Variants in FLCN observed in about 807,000 individuals in gnomAD.
The protein encoded by FLCN is folliculin, also known as BHD skin lesion fibrofolliculoma protein.
A neutral mutation model predicts 62.5 loss-of-function variants in FLCN; 22 were observed. The observed-to-expected ratio is 0.35, with a 90% CI of 0.25 to 0.50. The LOEUF (loss-of-function observed/expected upper bound fraction) is 0.50, where lower values mean the gene tolerates loss of function less well. Ranked by LOEUF, FLCN falls within the 20% of genes least tolerant of loss-of-function variation. The pLI, the probability that FLCN is intolerant of heterozygous loss-of-function variation, is 0.97. For synonymous variants in FLCN, 319 were observed against 310.0 expected, an observed-to-expected ratio of 1.03 and a Z score of -0.30; for missense variants, 657 against 778.0, an observed-to-expected ratio of 0.84 and a Z score of 1.85.
At chr17:17,232,481 G>C (rs2047453865) in intron 2 of FLCN, among the ~76,000 whole-genome samples, 1 of 152,150 alleles carries the variant, frequency 6.6e-6, no homozygotes, top group Non-Finnish European at 1.5e-5. Context: ...CACAGCTGTG[G>C]GGAAGGCCGG....
chr17:17,216,824 CTG>C lies in FLCN; in HGVS notation c.1176+243_1176+244del, dbSNP rs1346653884. The C allele has an allele frequency of 6.6e-6, 4 of 610,110 alleles. No homozygotes were observed. The highest frequency in any genetic ancestry group is 3.7e-5 in the African/African-American group (2 of 54,400). 37.8% of individuals were successfully genotyped at this position (610,110 alleles called of 1,614,324 possible). ...TCCCACAAAGAAGCTTTTACCAAGA[CTG>C]TGTCATATGCATTTTTGTTCCCTCT... On this transcript the variant is annotated intron_variant, in intron 10 of 13. Transcript: ENST00000285071. This position sits in a 1 kb window ranked among gnomAD's most constrained non-coding sequence, Gnocchi z 4.0.
chr17:17,226,321 C>A lies in FLCN; in HGVS notation c.251G>T (p.Gly84Val), dbSNP rs1386417463. 4.3e-6 allele frequency: 7 copies of A among 1,614,074 alleles called. No individual in the cohort carries two copies. The highest frequency in any genetic ancestry group is 2.7e-5 in the African/African-American group (2 of 74,912). ...PGPKKSDMCE[G>V]CRSLAAGHPG... Reference sequence around the variant, plus strand: ...GTGCCCTGCAGCAAGTGACCGGCAGCCCTGTCCATGAAAAGGAAAAGTAAA... The same window carrying A: ...GTGCCCTGCAGCAAGTGACCGGCAGACCTGTCCATGAAAAGGAAAAGTAAA... Residue 84 changes from glycine to valine, a missense_variant and splice_region_variant, in exon 5 of 14, where the codon GGC becomes GTC. Physicochemically the swap from Gly to Val is moderately radical, Grantham distance 109. Transcript: ENST00000285071.
At chr17:17,218,991 C>A in intron 9 of FLCN, 28 bp downstream of exon 9, 1 of 1,611,200 alleles carries the variant, frequency 6.2e-7, no homozygotes, top group South Asian at 1.1e-5. Flanking sequence ...CTCCTGAGCT[C>A]CTGATGCGCT....
At chr17:17,217,243 C>T in intron 9 of FLCN, 61 bp from the exon 10 acceptor site, 19 of 1,121,516 alleles carry the variant, frequency 1.7e-5, no homozygotes, top group Non-Finnish European at 2.6e-5. Flanking sequence ...CTCTCCCTTC[C>T]CATGAAGTTA....
chr17:17,223,738 C>CGGGA (rs2047162526), intron 6 of FLCN, among the ~76,000 whole-genome samples, 184 bp downstream of exon 6: 1 of 152,226 alleles, frequency 6.6e-6, no homozygotes, highest in South Asian at 2.1e-4. Flanking sequence ...GCAAAGCAGG[C>CGGGA]GGGATGGCCT....
In FLCN at chr17:17,216,393, G is replaced by GT. The variant is rs879255675; in HGVS notation, c.1286dup (p.His429GlnfsTer27). 1.2e-6 allele frequency: 2 copies of GT among 1,613,498 alleles called. No homozygotes were observed. The highest frequency in any genetic ancestry group is 3.3e-5 in the Admixed American group (2 of 59,986). On this transcript the variant is annotated frameshift_variant, in exon 11 of 14. Coordinates refer to ENST00000285071, the MANE Select transcript of FLCN (RefSeq NM_144997.7). LOFTEE classifies it high-confidence loss of function. This position sits in a 1 kb window ranked among gnomAD's most constrained non-coding sequence, Gnocchi z 4.0. Reference sequence around the variant, plus strand: ...GGGGGCACGCACCTGAGGAGAGCACGTGGGGGGGGATCTGCACGTGCGGGC... The same window carrying GT: ...GGGGGCACGCACCTGAGGAGAGCACGTTGGGGGGGGATCTGCACGTGCGGGC...
At position 17,227,902 on chromosome 17, in the gene FLCN, G is replaced by A. The variant is rs137852930; in HGVS notation, c.236C>T (p.Ser79Leu). 6.2e-7 allele frequency: 1 copy of A among 1,614,096 alleles called. No individual in the cohort carries two copies. Among genetic ancestry groups the A allele is most frequent in the Non-Finnish European group, 8.5e-7 (1 of 1,180,020 alleles). Residue 79 changes from serine (S) to leucine (L), a missense_variant, in exon 4 of 14, where the codon TCG becomes TTG. Transcript: ENST00000285071. ...AAAGACACTTGCCTCGCACATGTCC[G>A]ACTTTTTGGGCCCCGGGCTGCTGGA... ...VESSSPGPKK[S>L]DMCEGCRSLA... is the part of the protein sequence containing the mutation.
At chr17:17,230,963 G>A (rs577484134) in intron 3 of FLCN, among the ~76,000 whole-genome samples, 81 of 152,234 alleles carry the variant, frequency 5.3e-4, no homozygotes, top group African/African-American at 1.4e-3. Flanking sequence ...TTGGGAGGCC[G>A]AGGTGGGCAG....
Position 17,228,083 on chromosome 17 carries a change from G to C in FLCN, c.55C>G (p.Leu19Val), listed in dbSNP as rs1282654875. Reference sequence around the variant, plus strand: ...GCGTGCAGCACCTCCGTGCAGAAGAGAGTGCGGGGGCCGTGGAGCTCGCAG... The same window carrying C: ...GCGTGCAGCACCTCCGTGCAGAAGACAGTGCGGGGGCCGTGGAGCTCGCAG... ...HFCELHGPRT[L>V]FCTEVLHAPL... Residue 19 changes from leucine (L) to valine (V), a missense_variant, in exon 4 of 14, where the codon CTC becomes GTC. By Grantham distance (32) the Leu-to-Val change is conservative (BLOSUM62 1). Coordinates refer to ENST00000285071, the MANE Select transcript of FLCN (RefSeq NM_144997.7). 5 of 1,613,608 alleles carry C rather than the reference G, an allele frequency of 3.1e-6. No individual in the cohort carries two copies. Among genetic ancestry groups the C allele is most frequent in the Admixed American group, 1.7e-5 (1 of 60,030 alleles).
intron 3 of FLCN, among the ~76,000 whole-genome samples, chr17:17,229,835 T>G (rs1022695886): frequency 1.3e-5 from 2 of 152,088 alleles, no homozygotes; most frequent in African/African-American, 4.8e-5. Context: ...GGACACCTGG[T>G]GGGGACATGG....
At chr17:17,233,647 G>A (rs565180253) in intron 1 of FLCN, among the ~76,000 whole-genome samples, 190 of 145,196 alleles carry the variant, frequency 1.3e-3, no homozygotes, top group African/African-American at 4.7e-3. Context: ...TCTAGTCCAA[G>A]TTACTTGGGG....
At chr17:17,226,680 T>C (rs1368013300) in intron 4 of FLCN, among the ~76,000 whole-genome samples, 3 of 152,152 alleles carry the variant, frequency 2.0e-5, no homozygotes, top group Non-Finnish European at 4.4e-5. Context: ...AAGTGAGAAG[T>C]AGCTGGCCCG....
Position 17,219,045 on chromosome 17 carries a change from A to C in FLCN, c.1036T>G (p.Phe346Val). 6.2e-7 allele frequency: 1 copy of C among 1,613,836 alleles called. No individual in the cohort carries two copies. Among genetic ancestry groups the C allele is most frequent in the African/African-American group, 1.3e-5 (1 of 75,048 alleles). Reference sequence around the variant, plus strand: ...TGCCTCATGTGCCGGAGGGACTTGAAGACTGGCAGCTTCCGGGGCTGCCAG... The same window carrying C: ...TGCCTCATGTGCCGGAGGGACTTGACGACTGGCAGCTTCCGGGGCTGCCAG... ...GSWQPRKLPV[F>V]KSLRHMRQVL... Residue 346 changes from phenylalanine (F) to valine (V), a missense_variant, in exon 9 of 14, where the codon TTC becomes GTC. Physicochemically the swap from Phe to Val is conservative, Grantham distance 50 (BLOSUM62 -1). Transcript: ENST00000285071.
rs1305305051 is a variant in FLCN, at chr17:17,213,552, A to G, written c.*103T>C. ...TGGTTTCCCTTCCTTGCTGGGACAC[A>G]GCTCCTTCCAGCAGTTGAGAAACTC... is the stretch of plus-strand genomic sequence containing the variant. On this transcript the variant is annotated 3_prime_UTR_variant, in exon 14 of 14. Coordinates refer to ENST00000285071, the MANE Select transcript of FLCN (RefSeq NM_144997.7). The G allele has an allele frequency of 6.7e-7, 1 of 1,492,706 alleles. No homozygotes were observed. Among genetic ancestry groups the G allele is most frequent in the Non-Finnish European group, 9.3e-7 (1 of 1,076,362 alleles). 92.5% of individuals were successfully genotyped at this position (1,492,706 alleles called of 1,614,324 possible).
intron 1 of FLCN, among the ~76,000 whole-genome samples, chr17:17,233,348 G>A (rs903562791): frequency 2.3e-4 from 35 of 151,890 alleles, no homozygotes; most frequent in African/African-American, 7.3e-4. Flanking sequence ...CTGTAACCCC[G>A]GCACTTTGGG....
chr17:17,218,897 C>T, intron 9 of FLCN, 122 bp downstream of exon 9: 1 of 1,140,902 alleles, frequency 8.8e-7, no homozygotes, highest in Middle Eastern at 2.9e-4. Context: ...ACCGAGGAGG[C>T]TGTCAGTCAC....
At position 17,215,166 on chromosome 17, in the gene FLCN, T is replaced by A. The variant is rs777165928; in HGVS notation, c.1432+19A>T. On this transcript the variant is annotated intron_variant, in intron 12 of 13. Coordinates refer to ENST00000285071, the MANE Select transcript of FLCN (RefSeq NM_144997.7). ...GGGCATCTTCTCACAAAAAGGACAC[T>A]CTGCCTGGGGGCACCCACCTCGGTC... 1 of 1,613,830 alleles carries A rather than the reference T, an allele frequency of 6.2e-7. No homozygotes were observed. The highest frequency in any genetic ancestry group is 8.5e-7 in the Non-Finnish European group (1 of 1,179,900).
At chr17:17,235,144 G>T (rs1311710217) in intron 1 of FLCN, among the ~76,000 whole-genome samples, 3 of 150,806 alleles carry the variant, frequency 2.0e-5, no homozygotes, top group African/African-American at 7.3e-5. Flanking sequence ...AGGCATGGTG[G>T]TGGTGCATGC....
chr17:17,218,737 G>A (rs1278339278), intron 9 of FLCN, among the ~76,000 whole-genome samples: 1 of 152,176 alleles, frequency 6.6e-6, no homozygotes, highest in East Asian at 1.9e-4. Context: ...TTACAGTGCT[G>A]TTCAATGCCT....
Sources: allele counts gnomAD v4.1 joint callset (sites outside exome capture counted in the v4.1 genomes callset), GRCh38; gene constraint gnomAD v4.1.1; non-coding constraint Gnocchi (gnomAD v3.1); transcripts MANE v1.5; gene names NCBI Gene and HGNC (gene_info 2026-07-23, HGNC 2026-07-21).